Variants in NMU observed in about 807,000 individuals in gnomAD.
NMU encodes the protein neuromedin U, also known as neuromedin-U.
Under a neutral mutation model 35.4 loss-of-function variants are expected in NMU, and 29 were observed. The ratio of observed to expected loss-of-function variants is 0.82; its 90% CI spans 0.61 to 1.12. The LOEUF is 1.12. NMU is among the 50% of genes most tolerant of loss of function. NMU has a pLI of 0.00. For synonymous variants in NMU, 78 were observed against 81.3 expected (o/e 0.96, Z 0.22); for missense variants, 199 against 206.2 (o/e 0.97, Z 0.21).
chr4:55,632,277 T>A (rs1182152050), intron 1 of NMU, among the ~76,000 whole-genome samples: 1 of 136,566 alleles, frequency 7.3e-6, no homozygotes, highest in East Asian at 1.9e-4. Context: ...TCCTGATAGA[T>A]TTTTTTTTCC....
chr4:55,632,737 C>T (rs1460512561), intron 1 of NMU, among the ~76,000 whole-genome samples: 4 of 152,040 alleles, frequency 2.6e-5, no homozygotes, highest in Non-Finnish European at 2.9e-5. Flanking sequence ...TATTCTTATA[C>T]TTTTGACCAT....
At chr4:55,617,506 GACACACACAC>G (rs147079985) in intron 2 of NMU, among the ~76,000 whole-genome samples, 1 of 149,818 alleles carries the variant, frequency 6.7e-6, no homozygotes, top group Non-Finnish European at 1.5e-5. Context: ...TGAAATCATG[GACACACACAC>G]ACACACACAA....
chr4:55,631,497 T>C (rs1476631288), intron 1 of NMU, among the ~76,000 whole-genome samples: 1 of 152,066 alleles, frequency 6.6e-6, no homozygotes, highest in Non-Finnish European at 1.5e-5. Flanking sequence ...CATCAAAAAG[T>C]TGGCAAAGGA....
intron 1 of NMU, 144 bp downstream of exon 1, chr4:55,635,937 C>T: frequency 6.9e-7 from 1 of 1,440,664 alleles, no homozygotes; most frequent in Non-Finnish European, 9.4e-7. Context: ...GCCTGGGAGG[C>T]GGGAAACCCC....
intron 9 of NMU, among the ~76,000 whole-genome samples, chr4:55,597,428 G>A (rs941246526): frequency 6.6e-6 from 1 of 151,806 alleles, no homozygotes; most frequent in African/African-American, 2.4e-5. Flanking sequence ...GAGTACAATG[G>A]TGCAGTCTTG....
intron 3 of NMU, among the ~76,000 whole-genome samples, chr4:55,610,354 T>G (rs558094078): frequency 6.6e-6 from 1 of 151,514 alleles, no homozygotes; most frequent in South Asian, 2.1e-4. Flanking sequence ...TTCCAGCTAC[T>G]CGGGAGGCTG....
At chr4:55,636,300 AGC>A, upstream of NMU, 2 of 1,351,916 alleles carry the variant, frequency 1.5e-6, no homozygotes. The surrounding 1 kb of genome is among the most constrained non-coding windows in gnomAD (Gnocchi z 4.0). Flanking sequence ...CACAGGACTG[AGC>A]GCCCGGCGAG....
At chr4:55,631,117 A>G (rs571729999) in intron 1 of NMU, among the ~76,000 whole-genome samples, 2 of 152,292 alleles carry the variant, frequency 1.3e-5, no homozygotes, top group South Asian at 4.1e-4. Flanking sequence ...AGGAAAACTG[A>G]CAAGCCACAT....
intron 2 of NMU, among the ~76,000 whole-genome samples, chr4:55,628,015 C>A (rs1734601995): frequency 6.6e-6 from 1 of 152,182 alleles, no homozygotes; most frequent in South Asian, 2.1e-4. Flanking sequence ...AGTAAGCAGG[C>A]CTTGGCCAGT....
chr4:55,606,332 A>T (rs1318285025), intron 6 of NMU, among the ~76,000 whole-genome samples: 1 of 152,204 alleles, frequency 6.6e-6, no homozygotes, highest in African/African-American at 2.4e-5. Context: ...GTTGGTTAAC[A>T]TTTTTAAAAC....
rs1043697929 is a variant in NMU at position 55,634,004 on chromosome 4, T to G, written c.112+2077A>C. ...CTGAATCTGTGGCTGACCCTTTATC[T>G]TCGCATGGCCATTGTATGCTCTAAT... On this transcript the variant is annotated intron_variant, in intron 1 of 9. Transcript: ENST00000264218. Among the ~76,000 whole-genome samples, 3 of 152,212 alleles carry G rather than the reference T, an allele frequency of 2.0e-5. 1 individual carries two copies. The highest frequency in any genetic ancestry group is 2.0e-4 in the Admixed American group (3 of 15,286).
At chr4:55,608,854 C>G (rs1733811969) in intron 4 of NMU, among the ~76,000 whole-genome samples, 1 of 152,104 alleles carries the variant, frequency 6.6e-6, no homozygotes, top group South Asian at 2.1e-4. Flanking sequence ...GCCAACATGA[C>G]CCCATATTTA....
chr4:55,611,149 C>G (rs1248809897), intron 3 of NMU, among the ~76,000 whole-genome samples: 2 of 152,008 alleles, frequency 1.3e-5, no homozygotes, highest in East Asian at 3.9e-4. Flanking sequence ...ACTGCTTGAG[C>G]CCAGGAGTTT....
chr4:55,622,077 A>C (rs1577957796), intron 2 of NMU, among the ~76,000 whole-genome samples: 2 of 113,320 alleles, frequency 1.8e-5, no homozygotes, highest in Non-Finnish European at 3.6e-5. Context: ...AAGATCCAAA[A>C]TTCACACCCT....
chr4:55,597,496 G>C (rs1733235997), intron 9 of NMU, among the ~76,000 whole-genome samples: 1 of 151,974 alleles, frequency 6.6e-6, no homozygotes, highest in Non-Finnish European at 1.5e-5. Context: ...AGCCTCCCGA[G>C]TAGCTGGGAT....
chr4:55,613,474 A>G (rs1226182131), intron 3 of NMU, among the ~76,000 whole-genome samples: 1 of 152,194 alleles, frequency 6.6e-6, no homozygotes, highest in Non-Finnish European at 1.5e-5. Flanking sequence ...CAATAGTTAT[A>G]CTTATCACTA....
intron 6 of NMU, among the ~76,000 whole-genome samples, chr4:55,605,861 A>G (rs756939045): frequency 2.0e-5 from 3 of 152,234 alleles, no homozygotes; most frequent in Non-Finnish European, 4.4e-5. Flanking sequence ...GAAAATGACA[A>G]TGTGTTCTCG....
intron 6 of NMU, 127 bp downstream of exon 6, chr4:55,607,171 C>T: frequency 3.1e-6 from 2 of 648,500 alleles, no homozygotes; most frequent in Non-Finnish European, 5.6e-6. Flanking sequence ...AATTTCATTC[C>T]TTTACTCACA....
At position 55,636,185 on chromosome 4, in the gene NMU, C is replaced by A. The variant is rs542600328; in HGVS notation, c.8G>T (p.Arg3Leu). 2.1e-5 allele frequency: 31 copies of A among 1,495,188 alleles called. No homozygotes were observed. The African/African-American group carries it at 4.4e-4, about 21-fold the overall frequency. 92.6% of individuals were successfully genotyped at this position (1,495,188 alleles called of 1,614,324 possible). A position where few individuals can be genotyped will look rare whatever the true frequency, so the allele number is the denominator to read the frequency against. Residue 3 changes from arginine to leucine, a missense_variant, in exon 1 of 10, where the codon CGA (arginine) becomes CTA (leucine). Arg to Leu is a moderately radical substitution (Grantham distance 102, BLOSUM62 -2). Coordinates refer to ENST00000264218, the MANE Select transcript of NMU (RefSeq NM_006681.4). This position sits in a 1 kb window ranked among gnomAD's most constrained non-coding sequence, Gnocchi z 4.0. ...CGACCTGGGGCGGCAGCTCTCTGTTCGCAGCATCTCGGCGGCTGCGGGAGG... is the reference window on the plus strand; with the variant it reads ...CGACCTGGGGCGGCAGCTCTCTGTTAGCAGCATCTCGGCGGCTGCGGGAGG... ML[R>L]TESCRPRSPA...
Sources: allele counts gnomAD v4.1 joint callset (sites outside exome capture counted in the v4.1 genomes callset), GRCh38; gene constraint gnomAD v4.1.1; non-coding constraint Gnocchi (gnomAD v3.1); transcripts MANE v1.5; gene names NCBI Gene and HGNC (gene_info 2026-07-23, HGNC 2026-07-21).